AMBRA1: variants seen among roughly 807,000 people sequenced by gnomAD.
AMBRA1 encodes activating molecule in BECN1-regulated autophagy protein 1.
Under a neutral mutation model 125.4 loss-of-function variants are expected in AMBRA1, and 47 were observed. That is an observed-to-expected ratio of 0.37 (90% CI 0.30 to 0.48). The LOEUF (loss-of-function observed/expected upper bound fraction) is 0.48. Among genes scored for constraint, AMBRA1 ranks in the 20% least tolerant of loss-of-function variants. The pLI is 0.99. For missense variants in AMBRA1, 1,331 were observed against 1,693.4 expected, an observed-to-expected ratio of 0.79 and a Z score of 3.76; for synonymous variants, 626 against 655.5, an observed-to-expected ratio of 0.95 and a Z score of 0.69.
At chr11:46,435,795 G>A (rs577218315) in intron 12 of AMBRA1, among the ~76,000 whole-genome samples, 1 of 152,364 alleles carries the variant, frequency 6.6e-6, no homozygotes, top group African/African-American at 2.4e-5. Flanking sequence ...CAAGATCTGA[G>A]GGTGGAGGAA....
Position 46,408,679 on chromosome 11 carries a change from G to T in AMBRA1, c.3237C>A (p.Asp1079Glu). 1 of 1,572,388 alleles carries T rather than the reference G, an allele frequency of 6.4e-7. No individual in the cohort carries two copies. Among genetic ancestry groups the T allele is most frequent in the South Asian group, 1.2e-5 (1 of 86,164 alleles). ...PGTSRATWRT[D>E]RDMGLMNAIG... ...TGGCATTCATCAGCCCCATGTCTCT[G>T]TCTGTCCTCCATGTGGCTCTGCTGG... is the stretch of plus-strand genomic sequence containing the variant. Residue 1079 changes from aspartate (D) to glutamate (E), a missense_variant, in exon 17 of 18, where the codon GAC (aspartate) becomes GAA (glutamate). Coordinates refer to ENST00000683756, the MANE Select transcript of AMBRA1 (RefSeq NM_001387011.1).
intron 1 of AMBRA1, among the ~76,000 whole-genome samples, chr11:46,590,890 G>A (rs2044572023): frequency 6.6e-6 from 1 of 150,436 alleles, no homozygotes; most frequent in Admixed American, 6.6e-5. Context: ...TCAAGCCTGG[G>A]CGGCAGAGTG....
intron 11 of AMBRA1, among the ~76,000 whole-genome samples, chr11:46,489,545 C>T (rs532668064): frequency 3.9e-5 from 6 of 152,314 alleles, no homozygotes; most frequent in Non-Finnish European, 7.4e-5. Flanking sequence ...TGGACCAGGC[C>T]GTAATGACCT....
chr11:46,566,865 T>C (rs2043550762), intron 1 of AMBRA1, among the ~76,000 whole-genome samples: 1 of 152,036 alleles, frequency 6.6e-6, no homozygotes, highest in Admixed American at 6.6e-5. Flanking sequence ...ACCGCCATTG[T>C]AAAACTAATA....
intron 11 of AMBRA1, among the ~76,000 whole-genome samples, chr11:46,472,223 C>T (rs1334233481): frequency 6.6e-6 from 1 of 152,164 alleles, no homozygotes; most frequent in African/African-American, 2.4e-5. Context: ...GGGTGCCTAG[C>T]ACAACTCAGA....
chr11:46,478,294 T>A (rs967258618), intron 11 of AMBRA1, among the ~76,000 whole-genome samples: 17 of 152,220 alleles, frequency 1.1e-4, no homozygotes, highest in Admixed American at 5.2e-4. Flanking sequence ...TTGCTTCTGT[T>A]CAAGGAGCTC....
In AMBRA1 at chr11:46,580,946, C is replaced by T. The variant is rs143988647; in HGVS notation, c.-121+12882G>A. 2.7e-3 allele frequency among the ~76,000 whole-genome samples: 416 copies of T among 152,010 alleles called. 2 individuals are homozygous for T. Among genetic ancestry groups the T allele is most frequent in the African/African-American group, 9.6e-3 (397 of 41,482 alleles). On this transcript the variant is annotated intron_variant, in intron 1 of 17. Transcript: ENST00000683756. The stretch of plus-strand genomic sequence containing the variant: ...AGCTGTAAGCACAGGTGTGAGCCAC[C>T]GCACCCAGCTAATTTTTTTGTACTT...
Position 46,425,438 on chromosome 11 carries a change from G to GA in AMBRA1, c.2977-7387dup, listed in dbSNP as rs535030967. On this transcript the variant is annotated intron_variant, in intron 14 of 17. Coordinates refer to ENST00000683756, the MANE Select transcript of AMBRA1 (RefSeq NM_001387011.1). ...TATATGAATTGATTTTCCAATTCTT[G>GA]AAAAAAAGGATGTTTTGCCTTTCAC... Among the ~76,000 whole-genome samples, 576 of 151,470 alleles carry GA rather than the reference G, an allele frequency of 3.8e-3. 1 individual carries two copies. The highest frequency in any genetic ancestry group is 6.9e-3 in the Middle Eastern group (2 of 290).
Position 46,434,967 on chromosome 11 carries a change from G to A in AMBRA1, c.2703C>T (p.Gly901=), listed in dbSNP as rs1213751415. The change falls in exon 13 of 18, where the codon GGC becomes GGT. Residue 901 remains glycine (G), a synonymous_variant. Coordinates refer to ENST00000683756, the MANE Select transcript of AMBRA1 (RefSeq NM_001387011.1). The part of the protein sequence containing the change: ...NDASCDISAD[G]QLLAAFIPSS... Reference sequence around the variant, plus strand: ...TGGGGATGAAAGCTGCCAGGAGCTGGCCATCTGCAGAAATGTCACAGCTGG... The same window carrying A: ...TGGGGATGAAAGCTGCCAGGAGCTGACCATCTGCAGAAATGTCACAGCTGG... 1.2e-6 allele frequency: 2 copies of A among 1,613,690 alleles called. No individual in the cohort carries two copies. The highest frequency in any genetic ancestry group is 1.7e-6 in the Non-Finnish European group (2 of 1,179,874).
At chr11:46,547,385 T>C (rs2042857264) in intron 3 of AMBRA1, 89 bp from the exon 4 acceptor site, 1 of 1,134,828 alleles carries the variant, frequency 8.8e-7, no homozygotes, top group South Asian at 1.7e-5. Context: ...ATATTGATGC[T>C]ACCTGCCAAT....
chr11:46,397,810 G>A lies in AMBRA1; in HGVS notation c.3537C>T (p.Gly1179=). ...TGCGGTGGCTGACGATGATGTTGTT[G>A]CCGAAGCCGCCCATGGAGGCCATGG... is the stretch of plus-strand genomic sequence containing the variant. ...STTMASMGGF[G]NNIIVSHRIH... is the part of the protein sequence containing the mutation. The change falls in exon 18 of 18, where the codon GGC becomes GGT. Residue 1179 remains glycine, a synonymous_variant. Transcript: ENST00000683756. 6.2e-7 allele frequency: 1 copy of A among 1,607,082 alleles called. No homozygotes were observed.
intron 1 of AMBRA1, among the ~76,000 whole-genome samples, chr11:46,576,746 A>T (rs1461910782): frequency 6.6e-6 from 1 of 152,182 alleles, no homozygotes; most frequent in East Asian, 1.9e-4. Flanking sequence ...GAGATTATAA[A>T]ATATAGGAAG....
At chr11:46,508,943 A>G (rs1951159223) in intron 8 of AMBRA1, among the ~76,000 whole-genome samples, 1 of 152,188 alleles carries the variant, frequency 6.6e-6, no homozygotes, top group African/African-American at 2.4e-5. Context: ...ATCTCTTGGA[A>G]CCTCTTTTTC....
intron 17 of AMBRA1, among the ~76,000 whole-genome samples, chr11:46,407,668 T>C (rs896603508): frequency 6.6e-6 from 1 of 152,190 alleles, no homozygotes; most frequent in Non-Finnish European, 1.5e-5. Flanking sequence ...CGCAATACCC[T>C]GTTGGGGACT....
chr11:46,558,806 A>G (rs2043239164), intron 1 of AMBRA1, among the ~76,000 whole-genome samples: 1 of 152,192 alleles, frequency 6.6e-6, no homozygotes, highest in South Asian at 2.1e-4. Context: ...GGCAAAAAAC[A>G]TGTCTGTCAT....
rs371687372 is a variant in AMBRA1, at chr11:46,573,911, C to T, written c.-121+19917G>A. ...ATTCCCACCTATGAGTGAGAATATG[C>T]GGTGTTTGGTTTTTTGTTCTTGCGA... On this transcript the variant is annotated intron_variant, in intron 1 of 17. Transcript: ENST00000683756. 1.2e-4 allele frequency among the ~76,000 whole-genome samples: 17 copies of T among 143,236 alleles called. No individual in the cohort carries two copies. In the South Asian group the frequency reaches 3.0e-3, roughly 25 times the overall value. 94.0% of individuals were successfully genotyped at this position (143,236 alleles called of 152,430 possible).
At chr11:46,503,891 A>T (rs977310759) in intron 9 of AMBRA1, among the ~76,000 whole-genome samples, 1 of 152,072 alleles carries the variant, frequency 6.6e-6, no homozygotes, top group Non-Finnish European at 1.5e-5. Context: ...ACATATGGGG[A>T]TCTCACTATG....
At chr11:46,532,235 T>C (rs1304896430) in intron 7 of AMBRA1, among the ~76,000 whole-genome samples, 2 of 152,160 alleles carry the variant, frequency 1.3e-5, no homozygotes, top group Non-Finnish European at 2.9e-5. Context: ...TGAAGGCCAG[T>C]ATGTATGTGA....
At chr11:46,444,045 C>G (rs1450527917) in intron 11 of AMBRA1, among the ~76,000 whole-genome samples, 3 of 147,038 alleles carry the variant, frequency 2.0e-5, no homozygotes, top group Admixed American at 2.0e-4. Context: ...GACAAAGTAT[C>G]TCCTCCTTTA....
Sources: allele counts gnomAD v4.1 joint callset (sites outside exome capture counted in the v4.1 genomes callset), GRCh38; gene constraint gnomAD v4.1.1; transcripts MANE v1.5; gene names NCBI Gene and HGNC (gene_info 2026-07-23, HGNC 2026-07-21).